The following HFM1 variants were observed in gnomAD, a reference collection of about 807,000 sequenced individuals.
HFM1 encodes helicase for meiosis 1, also known as probable ATP-dependent DNA helicase HFM1.
In HFM1, 169 loss-of-function variants were observed where a neutral mutation model predicts 192.1. That is an observed-to-expected ratio of 0.88 (90% CI 0.78 to 1.00). HFM1 has a LOEUF of 1.00. Among genes scored for constraint, HFM1 ranks in the 50% least tolerant of loss-of-function variants. HFM1 has a pLI of 0.00. For synonymous variants in HFM1, 525 were observed against 537.8 expected, an observed-to-expected ratio of 0.98 and a Z score of 0.33; for missense variants, 1,661 against 1,668.0, an observed-to-expected ratio of 1.00 and a Z score of 0.07.
rs113179035 is a variant in HFM1, at chr1:91,325,169, G to A, written c.2336-403C>T. 3.9e-3 allele frequency among the ~76,000 whole-genome samples: 597 copies of A among 152,350 alleles called. 2 individuals carry two copies. The highest frequency in any genetic ancestry group is 0.011 in the South Asian group (51 of 4,826). ...TGGCAGCATTCACTATAAGCTGACAGAAGAGCCCTTGGGCTTTAAGTGAAC... is the reference window on the plus strand; with the variant it reads ...TGGCAGCATTCACTATAAGCTGACAAAAGAGCCCTTGGGCTTTAAGTGAAC... On this transcript the variant is annotated intron_variant, in intron 20 of 38. Coordinates refer to ENST00000370425, the MANE Select transcript of HFM1 (RefSeq NM_001017975.6).
intron 20 of HFM1, among the ~76,000 whole-genome samples, chr1:91,326,600 T>A (rs755609389): frequency 6.6e-6 from 1 of 152,180 alleles, no homozygotes; most frequent in Non-Finnish European, 1.5e-5. Flanking sequence ...AGACGTGTCC[T>A]CTAAGAAATG....
At chr1:91,288,379 T>A (rs1668278315) in intron 30 of HFM1, among the ~76,000 whole-genome samples, 2 of 150,586 alleles carry the variant, frequency 1.3e-5, no homozygotes, top group African/African-American at 4.9e-5. Flanking sequence ...TTTTTTTTTT[T>A]TTTTTTTTTT....
chr1:91,290,334 T>C (rs1668595638), intron 30 of HFM1, among the ~76,000 whole-genome samples: 2 of 151,874 alleles, frequency 1.3e-5, no homozygotes, highest in African/African-American at 2.4e-5. Flanking sequence ...CACATAGGCT[T>C]AAAATAAAAG....
rs181072219 is a variant in HFM1 at position 91,341,545 on chromosome 1, A to G, written c.2335+1885T>C. Among the ~76,000 whole-genome samples the G allele has an allele frequency of 2.2e-3, 338 of 152,314 alleles. 3 individuals carry two copies. Among genetic ancestry groups the G allele is most frequent in the African/African-American group, 7.6e-3 (318 of 41,574 alleles). On this transcript the variant is annotated intron_variant, in intron 20 of 38. Transcript: ENST00000370425. ...AGAGGAACTAGAAAAGCAAGAGCAA[A>G]TCAACCCCAAAGCTGGCAGAGGAAT...
In HFM1 at chr1:91,319,305, G is replaced by A. The variant is rs753307675; in HGVS notation, c.2668C>T (p.Arg890Ter). The A allele has an allele frequency of 8.7e-6, 14 of 1,609,046 alleles. No homozygotes were observed. Among genetic ancestry groups the A allele is most frequent in the East Asian group, 2.2e-5 (1 of 44,822 alleles). The change falls in exon 24 of 39, where the codon CGA becomes TGA. Residue 890 changes from arginine to a stop codon, truncating the protein, a stop_gained. Transcript: ENST00000370425. LOFTEE classifies it high-confidence loss of function. ...TCCTGTAACATACATCTTGTAATTC[G>A]GGAGCCATGTCTGAAAATCTTTGCG... ...DTAKIFRHGS[R>*]ITRWLSDFVA...
chr1:91,294,409 T>C (rs945243243), intron 30 of HFM1, among the ~76,000 whole-genome samples: 1 of 152,238 alleles, frequency 6.6e-6, no homozygotes, highest in Non-Finnish European at 1.5e-5. Flanking sequence ...TTCTTTTGCT[T>C]AACTTTATGT....
intron 20 of HFM1, among the ~76,000 whole-genome samples, chr1:91,337,278 T>C (rs1165140967): frequency 6.6e-6 from 1 of 152,122 alleles, no homozygotes; most frequent in Non-Finnish European, 1.5e-5. Context: ...GTACACATTA[T>C]CTGGCAAACA....
intron 13 of HFM1, among the ~76,000 whole-genome samples, chr1:91,373,744 C>T (rs937042657): frequency 2.6e-5 from 4 of 151,898 alleles, no homozygotes; most frequent in South Asian, 2.1e-4. Flanking sequence ...CACCAGAAGC[C>T]GAGCAGATGT....
chr1:91,295,892 G>T (rs569869464), intron 30 of HFM1, among the ~76,000 whole-genome samples: 46 of 152,084 alleles, frequency 3.0e-4, no homozygotes, highest in African/African-American at 1.1e-3. Context: ...TTGCAAATAA[G>T]TTTTGTGTAC....
chr1:91,379,134 C>T lies in HFM1; in HGVS notation c.1087G>A (p.Glu363Lys). The change falls in exon 9 of 39, where the codon GAA (glutamate) becomes AAA (lysine). Residue 363 changes from glutamate to lysine, a missense_variant. Physicochemically the swap from Glu to Lys is moderately conservative, Grantham distance 56. Transcript: ENST00000370425. Reference sequence around the variant, plus strand: ...TCCATTACTGTATCTCCAGTAAGTTCTTTACAATTCAATCCTATTGGTCCA... The same window carrying T: ...TCCATTACTGTATCTCCAGTAAGTTTTTTACAATTCAATCCTATTGGTCCA... Reference protein sequence around the residue: ...KFGPIGLNCKELTGDTVMDDL... With the variant: ...KFGPIGLNCKKLTGDTVMDDL... 6.2e-7 allele frequency: 1 copy of T among 1,607,350 alleles called. No individual in the cohort carries two copies. Among genetic ancestry groups the T allele is most frequent in the Non-Finnish European group, 8.5e-7 (1 of 1,175,780 alleles).
intron 7 of HFM1, 98 bp from the exon 8 acceptor site, chr1:91,380,334 A>T: frequency 1.4e-6 from 1 of 715,008 alleles, no homozygotes. Flanking sequence ...TCTAAGGAAT[A>T]ATAGTTCAAA....
intron 13 of HFM1, among the ~76,000 whole-genome samples, chr1:91,356,954 T>C (rs937563585): frequency 4.6e-5 from 7 of 152,044 alleles, no homozygotes; most frequent in Non-Finnish European, 8.8e-5. Flanking sequence ...GAGATTGAAG[T>C]AGTAATGAAG....
At chr1:91,343,384 CTT>C in intron 20 of HFM1, 44 bp downstream of exon 20, 1 of 920,238 alleles carries the variant, frequency 1.1e-6, no homozygotes, top group Non-Finnish European at 1.7e-6. Context: ...TTAATTTAGT[CTT>C]AAGTAAACAA....
In HFM1 at chr1:91,396,397, T is replaced by C. The variant is rs1267044825; in HGVS notation, c.80A>G (p.Asp27Gly). The C allele has an allele frequency of 1.3e-6, 2 of 1,540,522 alleles. No homozygotes were observed. The highest frequency in any genetic ancestry group is 4.5e-5 in the East Asian group (2 of 44,408). The change falls in exon 3 of 39, where the codon GAC (aspartate) becomes GGC (glycine). Residue 27 changes from aspartate (D) to glycine (G), a missense_variant. Coordinates refer to ENST00000370425, the MANE Select transcript of HFM1 (RefSeq NM_001017975.6). ...EKPDEVENHP[D>G]NEKSLDWFLP... ...AAACCAATCCAATGACTTTTCATTG[T>C]CTGGATGGCTATATAAAATATAAAA...
chr1:91,378,078 C>G lies in HFM1; in HGVS notation c.1342G>C (p.Ala448Pro). 1 of 1,612,088 alleles carries G rather than the reference C, an allele frequency of 6.2e-7. No homozygotes were observed. The highest frequency in any genetic ancestry group is 1.3e-5 in the African/African-American group (1 of 74,942). Residue 448 changes from alanine to proline, a missense_variant, in exon 11 of 39, where the codon GCT becomes CCT. Transcript: ENST00000370425. The part of the protein sequence containing the change: ...VSQTLKNTST[A>P]IPMRFVAVSA... ...ACAGCTACAAATCGCATTGGAATAG[C>G]AGTGCTGGTATTTTTTAAAGTCTGA...
intron 30 of HFM1, among the ~76,000 whole-genome samples, chr1:91,290,274 A>C (rs1668587133): frequency 6.6e-6 from 1 of 152,226 alleles, no homozygotes; most frequent in African/African-American, 2.4e-5. Context: ...TAAAGAGTCA[A>C]GACCCATCAG....
chr1:91,373,557 G>A (rs1300817925), intron 13 of HFM1, among the ~76,000 whole-genome samples: 1 of 151,874 alleles, frequency 6.6e-6, no homozygotes, highest in African/African-American at 2.4e-5. Flanking sequence ...GGAGGTGAAT[G>A]GATCATGGGG....
chr1:91,401,856 C>T (rs1243180104), intron 1 of HFM1, among the ~76,000 whole-genome samples: 1 of 151,736 alleles, frequency 6.6e-6, no homozygotes, highest in Admixed American at 6.6e-5. Flanking sequence ...TAAAAACATT[C>T]AGCATTGGCC....
At chr1:91,326,971 G>A (rs281971) in intron 20 of HFM1, among the ~76,000 whole-genome samples, 152,165 of 152,348 alleles carry the variant, frequency 1, 75,991 homozygotes, top group Non-Finnish European at 1. Flanking sequence ...AATGGGTTAC[G>A]AGACAGTATT....
Sources: gnomAD v4.1 joint callset for allele counts (sites outside exome capture counted in the v4.1 genomes callset) on GRCh38, gnomAD v4.1.1 for gene constraint, MANE v1.5 for transcripts, NCBI Gene and HGNC (gene_info 2026-07-23, HGNC 2026-07-21) for gene names.